The following ASIC5 variants were observed in gnomAD, a reference collection of about 807,000 sequenced individuals.
ASIC5 encodes acid sensing ion channel subunit family member 5.
Under a neutral mutation model 51.2 loss-of-function variants are expected in ASIC5, and 52 were observed. The ratio of observed to expected loss-of-function variants is 1.02; its 90% CI spans 0.81 to 1.28. ASIC5 has a LOEUF of 1.28. Ranked by LOEUF, ASIC5 falls within the 50% of genes most tolerant of loss-of-function variation. The pLI is 0.00. For missense variants in ASIC5, 635 were observed against 595.0 expected (o/e 1.07, Z -0.70); for synonymous variants, 231 against 200.7 (o/e 1.15, Z -1.28).
At chr4:155,839,163 T>C (rs1011746086) in intron 6 of ASIC5, among the ~76,000 whole-genome samples, 1 of 152,198 alleles carries the variant, frequency 6.6e-6, no homozygotes, top group Non-Finnish European at 1.5e-5. Flanking sequence ...TGAGTAGTTT[T>C]CAAATTTAAA....
intron 9 of ASIC5, among the ~76,000 whole-genome samples, chr4:155,830,548 G>C (rs558645616): frequency 6.6e-6 from 1 of 152,068 alleles, no homozygotes; most frequent in South Asian, 2.1e-4. Flanking sequence ...TTTAAAATTT[G>C]TACTTATATT....
chr4:155,865,044 T>A (rs1008621146), intron 1 of ASIC5: 1 of 152,044 alleles, frequency 6.6e-6, no homozygotes, highest in Non-Finnish European at 1.5e-5. Flanking sequence ...AAATAACCAA[T>A]CAATTAGCTA....
chr4:155,862,871 A>G (rs1219481309), intron 2 of ASIC5, among the ~76,000 whole-genome samples: 1 of 152,170 alleles, frequency 6.6e-6, no homozygotes, highest in African/African-American at 2.4e-5. Context: ...GAAAGCTGTA[A>G]TCATCTTTTA....
chr4:155,852,401 G>T, intron 3 of ASIC5, 85 bp from the exon 4 acceptor site: 1 of 1,161,714 alleles, frequency 8.6e-7, no homozygotes, highest in Non-Finnish European at 1.2e-6. Flanking sequence ...TTTTTTTAAA[G>T]CACAAATACC....
In ASIC5 at chr4:155,830,144, GA is replaced by G. The variant is rs1413856214; in HGVS notation, c.1328-99del. On this transcript the variant is annotated intron_variant, in intron 9 of 9. Transcript: ENST00000537611. ...GTTGAAGCAAAATAGAGTCATAACTGAGATGAAGATTGGTTAATTTTATTAT... is the reference window on the plus strand; with the variant it reads ...GTTGAAGCAAAATAGAGTCATAACTGGATGAAGATTGGTTAATTTTATTAT... 83 of 739,234 alleles carry G rather than the reference GA, an allele frequency of 1.1e-4. No homozygotes were observed. The East Asian group carries it at 2.6e-3, about 23-fold the overall frequency. 45.8% of individuals were successfully genotyped at this position (739,234 alleles called of 1,614,324 possible).
chr4:155,841,070 G>C (rs551375126), intron 6 of ASIC5, among the ~76,000 whole-genome samples: 1 of 152,118 alleles, frequency 6.6e-6, no homozygotes, highest in Admixed American at 6.6e-5. Flanking sequence ...TCTTATCTCC[G>C]AATACTCAGG....
intron 8 of ASIC5, among the ~76,000 whole-genome samples, chr4:155,835,412 GAAAA>G (rs11304781): frequency 2.2e-5 from 3 of 139,136 alleles, no homozygotes; most frequent in African/African-American, 7.8e-5. Flanking sequence ...CTGAGTTTTG[GAAAA>G]AAAAAAAAAA....
At chr4:155,841,749 C>T (rs575446453) in intron 6 of ASIC5, among the ~76,000 whole-genome samples, 208 of 152,116 alleles carry the variant, frequency 1.4e-3, no homozygotes, top group Admixed American at 2.7e-3. Context: ...AAATTTTAGC[C>T]TTTGGGAGTA....
At chr4:155,847,592 C>T (rs760146726) in intron 4 of ASIC5, among the ~76,000 whole-genome samples, 3 of 151,882 alleles carry the variant, frequency 2.0e-5, no homozygotes, top group Non-Finnish European at 4.4e-5. Flanking sequence ...CATGGTGGCG[C>T]ATGCCTGTAG....
At chr4:155,838,785 T>C (rs1328176369) in intron 7 of ASIC5, 28 bp downstream of exon 7, 2 of 1,449,744 alleles carry the variant, frequency 1.4e-6, no homozygotes, top group Non-Finnish European at 9.6e-7. Flanking sequence ...ATATAAATCC[T>C]GAAAATAAAA....
At chr4:155,846,968 T>C (rs1741262793) in intron 4 of ASIC5, among the ~76,000 whole-genome samples, 1 of 151,920 alleles carries the variant, frequency 6.6e-6, no homozygotes, top group South Asian at 2.1e-4. Context: ...CAAAAAGAGA[T>C]GTAAAGAAAG....
chr4:155,840,765 T>C (rs1438973428), intron 6 of ASIC5, among the ~76,000 whole-genome samples: 1 of 152,080 alleles, frequency 6.6e-6, no homozygotes, highest in Non-Finnish European at 1.5e-5. Flanking sequence ...TTAGGGGTCA[T>C]GCAGCTGGAG....
rs1001596535 is a variant in ASIC5 at position 155,829,776 on chromosome 4, G to C, written c.*80C>G. 72 of 888,408 alleles carry C rather than the reference G, an allele frequency of 8.1e-5. No homozygotes were observed. The South Asian group carries it at 1.3e-3, about 16-fold the overall frequency. The allele number at this position is 888,408 out of a possible 1,614,324, so 55.0% of individuals were successfully genotyped here. On this transcript the variant is annotated 3_prime_UTR_variant, in exon 10 of 10. Transcript: ENST00000537611. ...CTTTTATCGAACTCTCAAAACTATA[G>C]AAAAGTGACGTAACAATGAATTAGT...
intron 2 of ASIC5, chr4:155,855,203 T>C (rs1357481593): frequency 6.6e-6 from 1 of 152,102 alleles, no homozygotes; most frequent in Non-Finnish European, 1.5e-5. Flanking sequence ...TTTTTTTCAT[T>C]TCCCTCTGAC....
At chr4:155,863,160 T>C (rs1419326300) in intron 2 of ASIC5, among the ~76,000 whole-genome samples, 1 of 152,080 alleles carries the variant, frequency 6.6e-6, no homozygotes, top group African/African-American at 2.4e-5. Flanking sequence ...CTGGGCAATG[T>C]AGTGAAACCC....
chr4:155,834,308 T>C (rs1288289718), intron 8 of ASIC5, among the ~76,000 whole-genome samples: 1 of 152,158 alleles, frequency 6.6e-6, no homozygotes, highest in Non-Finnish European at 1.5e-5. Context: ...CATGGTTAAG[T>C]TAGGGGTCGC....
intron 4 of ASIC5, among the ~76,000 whole-genome samples, chr4:155,851,583 T>A (rs954472499): frequency 1.2e-4 from 18 of 152,006 alleles, no homozygotes; most frequent in Non-Finnish European, 4.4e-5. Flanking sequence ...AATTAACTAA[T>A]CTTGGGTGGG....
chr4:155,835,954 T>C (rs895074849), intron 8 of ASIC5, among the ~76,000 whole-genome samples: 2 of 152,242 alleles, frequency 1.3e-5, no homozygotes, highest in African/African-American at 4.8e-5. Flanking sequence ...TTTATTTTAA[T>C]AGATATAACT....
At chr4:155,852,671 AC>A (rs1311292479) in intron 3 of ASIC5, among the ~76,000 whole-genome samples, 8 of 151,610 alleles carry the variant, frequency 5.3e-5, no homozygotes, top group African/African-American at 1.9e-4. Context: ...GCCTAATGTA[AC>A]CTGTATGGTC....
Sources: gnomAD v4.1 joint callset for allele counts (sites outside exome capture counted in the v4.1 genomes callset) on GRCh38, gnomAD v4.1.1 for gene constraint, MANE v1.5 for transcripts, NCBI Gene and HGNC (gene_info 2026-07-23, HGNC 2026-07-21) for gene names.